Variants in VAV3 observed in about 807,000 individuals in gnomAD.
VAV3 encodes guanine nucleotide exchange factor VAV3.
A neutral mutation model predicts 131.2 loss-of-function variants in VAV3; 94 were observed. The ratio of observed to expected loss-of-function variants is 0.72; its 90% CI spans 0.61 to 0.85. The LOEUF (loss-of-function observed/expected upper bound fraction) is 0.85. VAV3 is among the 40% of genes least tolerant of loss of function. The pLI, the probability that VAV3 is intolerant of heterozygous loss-of-function variation, is 0.00. For missense variants in VAV3, 939 were observed against 1,002.7 expected (o/e 0.94, Z 0.86); for synonymous variants, 349 against 342.0 (o/e 1.02, Z -0.22).
intron 19 of VAV3, among the ~76,000 whole-genome samples, chr1:107,646,728 G>T (rs1655763887): frequency 6.6e-6 from 1 of 151,960 alleles, no homozygotes; most frequent in Admixed American, 6.6e-5. Context: ...AAATGCCCAA[G>T]TCAAACTTAT....
At chr1:107,808,666 A>G (rs1363055843) in intron 2 of VAV3, among the ~76,000 whole-genome samples, 1 of 148,132 alleles carries the variant, frequency 6.8e-6, no homozygotes, top group East Asian at 2.1e-4. Flanking sequence ...AATCTTCTAT[A>G]ATCTGAAGTG....
At chr1:107,922,111 C>A (rs933450640) in intron 1 of VAV3, among the ~76,000 whole-genome samples, 2 of 152,086 alleles carry the variant, frequency 1.3e-5, no homozygotes, top group South Asian at 2.1e-4. Flanking sequence ...AACAACCAGT[C>A]CCTCATATAT....
intron 2 of VAV3, among the ~76,000 whole-genome samples, chr1:107,840,363 T>C (rs929756465): frequency 2.4e-4 from 37 of 152,290 alleles, no homozygotes; most frequent in Middle Eastern, 3.4e-3. Context: ...GCAAAGACCT[T>C]TCTTGATTGG....
chr1:107,788,136 G>C (rs577788671), intron 2 of VAV3, among the ~76,000 whole-genome samples: 1 of 152,144 alleles, frequency 6.6e-6, no homozygotes, highest in South Asian at 2.1e-4. Context: ...TATTGGAATA[G>C]CTTCCAATAT....
chr1:107,649,221 C>G (rs1478788862), intron 19 of VAV3, among the ~76,000 whole-genome samples: 1 of 152,014 alleles, frequency 6.6e-6, no homozygotes, highest in East Asian at 1.9e-4. Flanking sequence ...TTCTGCTCAT[C>G]TGACTACACC....
chr1:107,836,931 CA>C (rs112797988), intron 2 of VAV3, among the ~76,000 whole-genome samples: 21,416 of 150,252 alleles, frequency 0.14, 1,683 homozygotes, highest in East Asian at 0.24. Context: ...AACCTACCAA[CA>C]AAAAAAAACA....
intron 20 of VAV3, among the ~76,000 whole-genome samples, chr1:107,627,586 A>G (rs1654123137): frequency 1.3e-5 from 2 of 152,312 alleles, no homozygotes; most frequent in African/African-American, 4.8e-5. Context: ...TTTCAAAATC[A>G]TTAATCATTA....
intron 15 of VAV3, among the ~76,000 whole-genome samples, chr1:107,706,988 T>G (rs1351481267): frequency 6.6e-6 from 1 of 152,104 alleles, no homozygotes; most frequent in Admixed American, 6.6e-5. Context: ...ATTTAAAACT[T>G]TCATGAACTA....
At chr1:107,827,364 TCA>T (rs899403900) in intron 2 of VAV3, among the ~76,000 whole-genome samples, 15 of 152,326 alleles carry the variant, frequency 9.8e-5, no homozygotes, top group African/African-American at 3.6e-4. Context: ...TCCTTGTACT[TCA>T]CATTTTCAAA....
intron 17 of VAV3, 51 bp downstream of exon 17, chr1:107,704,498 CA>C: frequency 1.4e-6 from 2 of 1,461,262 alleles, no homozygotes; most frequent in Non-Finnish European, 9.5e-7. Flanking sequence ...TTATGTTTAG[CA>C]AATTTTATGT....
chr1:107,698,599 C>T (rs943745756), intron 17 of VAV3, among the ~76,000 whole-genome samples: 1 of 152,130 alleles, frequency 6.6e-6, no homozygotes, highest in Non-Finnish European at 1.5e-5. Context: ...GTACCTGGCA[C>T]TAAATAGGGG....
intron 15 of VAV3, among the ~76,000 whole-genome samples, chr1:107,736,057 G>T (rs1368719659): frequency 2.6e-5 from 4 of 151,970 alleles, no homozygotes; most frequent in African/African-American, 9.7e-5. Context: ...TTCAACATAT[G>T]CAAATGAATA....
intron 19 of VAV3, among the ~76,000 whole-genome samples, chr1:107,665,912 G>C (rs557148360): frequency 6.6e-6 from 1 of 152,264 alleles, no homozygotes; most frequent in Admixed American, 6.5e-5. Flanking sequence ...AACGGTGAAG[G>C]ATATTATCTG....
At chr1:107,583,633 C>T (rs1246093307) in intron 25 of VAV3, among the ~76,000 whole-genome samples, 1 of 152,160 alleles carries the variant, frequency 6.6e-6, no homozygotes, top group Admixed American at 6.5e-5. Context: ...AGAGCCAAAT[C>T]ATGAGTGAAC....
chr1:107,940,261 T>A (rs1047624456), intron 1 of VAV3, among the ~76,000 whole-genome samples: 2 of 152,136 alleles, frequency 1.3e-5, no homozygotes, highest in African/African-American at 4.8e-5. Context: ...TTTGACATCC[T>A]CCACTTTTAA....
chr1:107,697,012 G>A (rs1331977103), intron 17 of VAV3, among the ~76,000 whole-genome samples: 1 of 152,130 alleles, frequency 6.6e-6, no homozygotes, highest in Non-Finnish European at 1.5e-5. Context: ...AGCTCATAAA[G>A]TCTAGCTTGC....
chr1:107,796,425 A>G (rs565242574), intron 2 of VAV3, among the ~76,000 whole-genome samples: 1 of 152,230 alleles, frequency 6.6e-6, no homozygotes, highest in South Asian at 2.1e-4. Context: ...AAAAAACAAG[A>G]CATGTATACT....
At chr1:107,684,993 A>G (rs1416026135) in intron 18 of VAV3, among the ~76,000 whole-genome samples, 1 of 152,242 alleles carries the variant, frequency 6.6e-6, no homozygotes, top group Non-Finnish European at 1.5e-5. Context: ...ATATCCCATC[A>G]TCTTCTTAAT....
chr1:107,917,731 C>T (rs886489257), intron 1 of VAV3, among the ~76,000 whole-genome samples: 1 of 151,990 alleles, frequency 6.6e-6, no homozygotes, highest in African/African-American at 2.4e-5. Context: ...ATCTGAAATG[C>T]TTAGGCCAGA....
Sources: gnomAD v4.1 joint callset for allele counts (sites outside exome capture counted in the v4.1 genomes callset) on GRCh38, gnomAD v4.1.1 for gene constraint, MANE v1.5 for transcripts, NCBI Gene and HGNC (gene_info 2026-07-23, HGNC 2026-07-21) for gene names.